The following RFT1 variants were observed in gnomAD, a reference collection of about 807,000 sequenced individuals.
RFT1 encodes man(5)GlcNAc(2)-PP-dolichol translocation protein RFT1.
Under a neutral mutation model 62.2 loss-of-function variants are expected in RFT1, and 43 were observed. That is an observed-to-expected ratio of 0.69 (90% CI 0.54 to 0.89). The LOEUF is 0.89. Among genes scored for constraint, RFT1 ranks in the 40% least tolerant of loss-of-function variants. The probability of loss-of-function intolerance (pLI) is 0.00; values close to 1 mark genes in which losing one functional copy is unlikely to be tolerated. For missense variants in RFT1, 605 were observed against 649.9 expected (o/e 0.93, Z 0.75); for synonymous variants, 262 against 264.6 (o/e 0.99, Z 0.10).
At position 53,122,554 on chromosome 3, in the gene RFT1, C is replaced by G. The variant is rs778064512; in HGVS notation, c.276G>C (p.Leu92=). The G allele has an allele frequency of 2.5e-6, 4 of 1,606,656 alleles. No individual in the cohort carries two copies. The East Asian group carries it at 8.9e-5, about 36-fold the overall frequency. ...CCAGGAATAAGGACCAAAACACACC[C>G]AGGGGGACTCTAGAAGAGGAGAAAA... The part of the protein sequence containing the change: ...TLNLLWLTVP[L]GVFWSLFLGW... The change falls in exon 4 of 13, where the codon CTG becomes CTC. Residue 92 remains leucine (L), a synonymous_variant. Coordinates refer to ENST00000296292, the MANE Select transcript of RFT1 (RefSeq NM_052859.4).
chr3:53,078,253 C>G, the RFT1 span: 1 of 152,242 alleles, frequency 6.6e-6, no homozygotes, highest in Admixed American at 6.5e-5. Flanking sequence ...CTGTGCAGGA[C>G]AGTGTGAGCA....
intron 9 of RFT1, 27 bp from the exon 10 acceptor site, chr3:53,104,124 T>C (rs1701397539): frequency 6.2e-7 from 1 of 1,613,396 alleles, no homozygotes; most frequent in Non-Finnish European, 8.5e-7. Flanking sequence ...GGGAAGGAAG[T>C]TGGATGAATC....
chr3:53,122,286 A>G (rs1701990729), intron 4 of RFT1, 88 bp downstream of exon 4: 1 of 1,237,052 alleles, frequency 8.1e-7, no homozygotes. Flanking sequence ...TGGAAAAATC[A>G]TTCATTCTCT....
the RFT1 span, among the ~76,000 whole-genome samples, chr3:53,069,446 G>A: frequency 6.6e-6 from 1 of 151,590 alleles, no homozygotes. Context: ...AAATGAATAA[G>A]GAAAAGATAA....
chr3:53,103,155 A>AT (rs1701364575), intron 10 of RFT1: 1 of 985,324 alleles, frequency 1.0e-6, no homozygotes, highest in Non-Finnish European at 1.2e-6. Flanking sequence ...TTTGGGCCCC[A>AT]TTGTAGTGGA....
chr3:53,111,935 A>T, intron 6 of RFT1, 27 bp from the exon 7 acceptor site: 2 of 1,570,178 alleles, frequency 1.3e-6, no homozygotes, highest in Non-Finnish European at 1.7e-6. Context: ...AACAAAACAA[A>T]AACATCACAG....
At chr3:53,082,314 A>G in the RFT1 span, among the ~76,000 whole-genome samples, 2 of 152,014 alleles carry the variant, frequency 1.3e-5, no homozygotes, top group South Asian at 4.2e-4. Context: ...ATCTCTACTA[A>G]ACATACAAAA....
chr3:53,097,586 T>C (rs1370465855), intron 11 of RFT1, among the ~76,000 whole-genome samples: 2 of 152,252 alleles, frequency 1.3e-5, no homozygotes, highest in East Asian at 3.8e-4. Context: ...AACCAGCCAC[T>C]ATCCATATTC....
At chr3:53,093,768 C>G (rs1701062557) in intron 11 of RFT1, among the ~76,000 whole-genome samples, 1 of 152,204 alleles carries the variant, frequency 6.6e-6, no homozygotes, top group African/African-American at 2.4e-5. Flanking sequence ...CACCTGCAGT[C>G]CTAGCTACTC....
chr3:53,068,190 G>C, the RFT1 span, among the ~76,000 whole-genome samples: 1 of 152,116 alleles, frequency 6.6e-6, no homozygotes, highest in Non-Finnish European at 1.5e-5. Flanking sequence ...CACCCAATAT[G>C]AGCCAACCTT....
At chr3:53,092,790 C>T (rs1701035308) in intron 11 of RFT1, among the ~76,000 whole-genome samples, 172 bp from the exon 12 acceptor site, 1 of 152,182 alleles carries the variant, frequency 6.6e-6, no homozygotes, top group South Asian at 2.1e-4. Flanking sequence ...TGTCCCCTTA[C>T]CCTGAGCAGA....
intron 11 of RFT1, among the ~76,000 whole-genome samples, chr3:53,094,941 G>A (rs1281934031): frequency 6.6e-6 from 1 of 151,914 alleles, no homozygotes; most frequent in African/African-American, 2.4e-5. Context: ...TCCACTTCAG[G>A]AAAAAATGAG....
rs1206641778 is a variant in RFT1, at chr3:53,121,604, T to C, written c.558+95A>G. The C allele has an allele frequency of 2.9e-5, 28 of 950,644 alleles. No homozygotes were observed. In the Admixed American group the frequency reaches 5.6e-4, roughly 19 times the overall value. 58.9% of individuals were successfully genotyped at this position (950,644 alleles called of 1,614,324 possible). A position where few individuals can be genotyped will look rare whatever the true frequency, so the allele number is the denominator to read the frequency against. ...CTTCCACCTCCTGCACAGGCATGGG[T>C]ACTGTGAATGCAGACCACACGGCGG... On this transcript the variant is annotated intron_variant, in intron 5 of 12. Coordinates refer to ENST00000296292, the MANE Select transcript of RFT1 (RefSeq NM_052859.4).
rs1559576732 is a variant in RFT1, at chr3:53,089,063, AG to A, written c.*2839del. 1 of 151,976 alleles carries A rather than the reference AG, an allele frequency of 6.6e-6. No homozygotes were observed. The highest frequency in any genetic ancestry group is 1.5e-5 in the Non-Finnish European group (1 of 68,074). The allele number at this position is 151,976 out of a possible 1,614,324, so 9.4% of individuals were successfully genotyped here. A position where few individuals can be genotyped will look rare whatever the true frequency, so the allele number is the denominator to read the frequency against. ...GGCAAGAGAATCGCTTGAACCCAGG[AG>A]GCAGAGCTCGCAGTGAGCCGAGATC... On this transcript the variant is annotated 3_prime_UTR_variant, in exon 13 of 13. Transcript: ENST00000296292.
chr3:53,106,738 A>T, intron 8 of RFT1, 81 bp downstream of exon 8: 1 of 1,053,844 alleles, frequency 9.5e-7, no homozygotes, highest in Non-Finnish European at 1.4e-6. Flanking sequence ...ATCTTTCATT[A>T]AATATATCAG....
intron 1 of RFT1, among the ~76,000 whole-genome samples, chr3:53,128,252 A>C (rs1702166538): frequency 1.3e-5 from 2 of 152,116 alleles, no homozygotes; most frequent in African/African-American, 4.8e-5. Context: ...GAGCCGAGAT[A>C]GTGCCACTGC....
intron 2 of RFT1, 97 bp downstream of exon 2, chr3:53,125,812 G>A (rs1451003199): frequency 3.2e-6 from 3 of 947,744 alleles, no homozygotes; most frequent in East Asian, 2.5e-5. Flanking sequence ...AAAGGTCCAT[G>A]CTTCTAGAAT....
intron 12 of RFT1, 101 bp downstream of exon 12, chr3:53,092,268 A>C (rs1265306553): frequency 6.6e-7 from 1 of 1,504,502 alleles, no homozygotes; most frequent in African/African-American, 1.4e-5. Context: ...AGGCCTGGGG[A>C]GGGGACAGGA....
rs1010634565 is a variant in RFT1, at chr3:53,103,822, G to A, written c.1102+131C>T. 12 of 1,145,830 alleles carry A rather than the reference G, an allele frequency of 1.0e-5. No individual in the cohort carries two copies. The African/African-American group carries it at 1.8e-4, about 17-fold the overall frequency. 71.0% of individuals were successfully genotyped at this position (1,145,830 alleles called of 1,614,324 possible). A position where few individuals can be genotyped will look rare whatever the true frequency, so the allele number is the denominator to read the frequency against. ...GTTGAACGAGGGGAACAGTCCCACA[G>A]CCCCTGCCACCAGACAGTTTTCCCT... is the stretch of plus-strand genomic sequence containing the variant. On this transcript the variant is annotated intron_variant, in intron 10 of 12. Coordinates refer to ENST00000296292, the MANE Select transcript of RFT1 (RefSeq NM_052859.4).
Sources: gnomAD v4.1 joint callset for allele counts (sites outside exome capture counted in the v4.1 genomes callset) on GRCh38, gnomAD v4.1.1 for gene constraint, MANE v1.5 for transcripts, NCBI Gene and HGNC (gene_info 2026-07-23, HGNC 2026-07-21) for gene names.